Variants in HRH3 observed in about 807,000 individuals in gnomAD.
HRH3 encodes histamine H3 receptor.
HRH3 carries 13 observed loss-of-function variants against 21.6 expected under a neutral mutation model. The observed-to-expected ratio is 0.60, with a 90% CI of 0.39 to 0.96. The LOEUF is 0.96. Ranked by LOEUF, HRH3 falls within the 40% of genes least tolerant of loss-of-function variation. The pLI, the probability that HRH3 is intolerant of heterozygous loss-of-function variation, is 0.00. For missense variants in HRH3, 461 were observed against 622.7 expected, an observed-to-expected ratio of 0.74 and a Z score of 2.76; for synonymous variants, 276 against 290.3, an observed-to-expected ratio of 0.95 and a Z score of 0.50.
Position 62,219,975 on chromosome 20 carries a change from C to G in HRH3, c.-5G>C. 9.7e-7 allele frequency: 1 copy of G among 1,027,314 alleles called. No homozygotes were observed. The highest frequency in any genetic ancestry group is 9.3e-5 in the East Asian group (1 of 10,782). 63.6% of individuals were successfully genotyped at this position (1,027,314 alleles called of 1,614,324 possible). A position where few individuals can be genotyped will look rare whatever the true frequency, so the allele number is the denominator to read the frequency against. ...GTCGGGCGGCGCGCGCTCCATGGCCCCGCAGGCTCACGCGGCTCCGGGACG... is the reference window on the plus strand; with the variant it reads ...GTCGGGCGGCGCGCGCTCCATGGCCGCGCAGGCTCACGCGGCTCCGGGACG... On this transcript the variant is annotated 5_prime_UTR_variant, in exon 1 of 3. Coordinates refer to ENST00000340177, the MANE Select transcript of HRH3 (RefSeq NM_007232.3). This position sits in a 1 kb window ranked among gnomAD's most constrained non-coding sequence, Gnocchi z 8.7.
At chr20:62,217,444 G>A (rs1313068600) in intron 2 of HRH3, among the ~76,000 whole-genome samples, 3 of 152,224 alleles carry the variant, frequency 2.0e-5, no homozygotes, top group Non-Finnish European at 4.4e-5. Context: ...CCCACTGCTG[G>A]GAGACATCCC....
rs900689180 is a variant in HRH3, at chr20:62,215,846, G to A, written c.*160C>T. The A allele has an allele frequency of 1.1e-5, 8 of 729,394 alleles. No individual in the cohort carries two copies. Among genetic ancestry groups the A allele is most frequent in the African/African-American group, 5.3e-5 (3 of 56,158 alleles). 45.2% of individuals were successfully genotyped at this position (729,394 alleles called of 1,614,324 possible). A position where few individuals can be genotyped will look rare whatever the true frequency, so the allele number is the denominator to read the frequency against. On this transcript the variant is annotated 3_prime_UTR_variant, in exon 3 of 3. Coordinates refer to ENST00000340177, the MANE Select transcript of HRH3 (RefSeq NM_007232.3). ...GGGGCCCTCTGGCCAACCCAGGAAG[G>A]CGCCTCCATGGCAGGGTGGCTGCCG...
chr20:62,215,927 G>T lies in HRH3; in HGVS notation c.*79C>A. On this transcript the variant is annotated 3_prime_UTR_variant, in exon 3 of 3. Coordinates refer to ENST00000340177, the MANE Select transcript of HRH3 (RefSeq NM_007232.3). ...GGGCTCACCCCTGGGGGAACGAGCC[G>T]GGTAGGGGGCAGCAGGGCCAGATGC... 1 of 1,367,480 alleles carries T rather than the reference G, an allele frequency of 7.3e-7. No individual in the cohort carries two copies. The highest frequency in any genetic ancestry group is 9.8e-7 in the Non-Finnish European group (1 of 1,019,496). 84.7% of individuals were successfully genotyped at this position (1,367,480 alleles called of 1,614,324 possible).
Position 62,218,474 on chromosome 20 carries a change from C to T in HRH3, c.417+17G>A, listed in dbSNP as rs201601966. On this transcript the variant is annotated intron_variant, in intron 2 of 2. Transcript: ENST00000340177. The surrounding 1 kb of genome is among the most constrained non-coding windows in gnomAD (Gnocchi z 5.6). The stretch of plus-strand genomic sequence containing the variant: ...GTCCCTGCGGAGTGAACAGGAGCTC[C>T]GCAGCCCAGGACTCACCGCTCGGGT... 2.5e-5 allele frequency: 40 copies of T among 1,608,222 alleles called. No individual in the cohort carries two copies. The highest frequency in any genetic ancestry group is 3.2e-5 in the Non-Finnish European group (38 of 1,179,036).
rs1445168887 is a variant in HRH3 at position 62,218,458 on chromosome 20, G to A, written c.417+33C>T. 6.2e-7 allele frequency: 1 copy of A among 1,602,728 alleles called. No individual in the cohort carries two copies. Among genetic ancestry groups the A allele is most frequent in the African/African-American group, 1.3e-5 (1 of 74,838 alleles). On this transcript the variant is annotated intron_variant, in intron 2 of 2. Transcript: ENST00000340177. The surrounding 1 kb of genome is among the most constrained non-coding windows in gnomAD (Gnocchi z 5.6). ...CATGGGCGTCCCGACTGTCCCTGCG[G>A]AGTGAACAGGAGCTCCGCAGCCCAG...
chr20:62,215,602 G>T lies in HRH3; in HGVS notation c.*404C>A. On this transcript the variant is annotated 3_prime_UTR_variant, in exon 3 of 3. Transcript: ENST00000340177. ...AGGGACGGTGTGCAGGTGTGTGCAGGGGTGTGCAGGTGTGTGCACGTGCAG... is the reference window on the plus strand; with the variant it reads ...AGGGACGGTGTGCAGGTGTGTGCAGTGGTGTGCAGGTGTGTGCACGTGCAG... 1 of 395,430 alleles carries T rather than the reference G, an allele frequency of 2.5e-6. No individual in the cohort carries two copies. The highest frequency in any genetic ancestry group is 2.1e-5 in the African/African-American group (1 of 48,360). 24.5% of individuals were successfully genotyped at this position (395,430 alleles called of 1,614,324 possible). A position where few individuals can be genotyped will look rare whatever the true frequency, so the allele number is the denominator to read the frequency against.
Position 62,219,940 on chromosome 20 carries a change from T to A in HRH3, c.31A>T (p.Asn11Tyr), listed in dbSNP as rs1978744623. 1.7e-6 allele frequency: 2 copies of A among 1,149,576 alleles called. No homozygotes were observed. Among genetic ancestry groups the A allele is most frequent in the African/African-American group, 1.7e-5 (1 of 60,114 alleles). 71.2% of individuals were successfully genotyped at this position (1,149,576 alleles called of 1,614,324 possible). MERAPPDGPL[N>Y]ASGALAGEAA... The stretch of plus-strand genomic sequence containing the variant: ...TCGCCCGCCAGCGCCCCCGAAGCGT[T>A]CAGCGGCCCGTCGGGCGGCGCGCGC... The change falls in exon 1 of 3, where the codon AAC (asparagine) becomes TAC (tyrosine). Residue 11 changes from asparagine (N) to tyrosine (Y), a missense_variant. Coordinates refer to ENST00000340177, the MANE Select transcript of HRH3 (RefSeq NM_007232.3). This position sits in a 1 kb window ranked among gnomAD's most constrained non-coding sequence, Gnocchi z 8.7.
rs1601119960 is a variant in HRH3, at chr20:62,215,863, T to G, written c.*143A>C. The G allele has an allele frequency of 1.2e-6, 1 of 801,534 alleles. No individual in the cohort carries two copies. Among genetic ancestry groups the G allele is most frequent in the Non-Finnish European group, 1.9e-6 (1 of 523,906 alleles). 49.7% of individuals were successfully genotyped at this position (801,534 alleles called of 1,614,324 possible). On this transcript the variant is annotated 3_prime_UTR_variant, in exon 3 of 3. Transcript: ENST00000340177. Reference sequence around the variant, plus strand: ...CCAGGAAGGCGCCTCCATGGCAGGGTGGCTGCCGTGGCATTAAGAGAGGGC... The same window carrying G: ...CCAGGAAGGCGCCTCCATGGCAGGGGGGCTGCCGTGGCATTAAGAGAGGGC...
At position 62,215,467 on chromosome 20, in the gene HRH3, A is replaced by G; in HGVS notation, c.*539T>C. On this transcript the variant is annotated 3_prime_UTR_variant, in exon 3 of 3. Coordinates refer to ENST00000340177, the MANE Select transcript of HRH3 (RefSeq NM_007232.3). ...TTCGAGGTTCCTAGGGCCCCTTGAC[A>G]CTTTTGGGGGCAGAGAGAGTTGGTG... 1 of 457,216 alleles carries G rather than the reference A, an allele frequency of 2.2e-6. No individual in the cohort carries two copies. The highest frequency in any genetic ancestry group is 4.4e-6 in the Non-Finnish European group (1 of 227,406). 28.3% of individuals were successfully genotyped at this position (457,216 alleles called of 1,614,324 possible). A position where few individuals can be genotyped will look rare whatever the true frequency, so the allele number is the denominator to read the frequency against.
In HRH3 at chr20:62,216,321, G is replaced by A. The variant is rs1214797730; in HGVS notation, c.1023C>T (p.Ser341=). The A allele has an allele frequency of 6.2e-7, 1 of 1,609,398 alleles. No individual in the cohort carries two copies. Among genetic ancestry groups the A allele is most frequent in the Non-Finnish European group, 8.5e-7 (1 of 1,177,974 alleles). The change falls in exon 3 of 3, where the codon TCC becomes TCT. Residue 341 remains serine (S), a synonymous_variant. Transcript: ENST00000340177. Reference sequence around the variant, plus strand: ...GCCGAAAGCGCTGGGTGAAGCTCTGGGACACCATCTTCATGCGCTTCTCCA... The same window carrying A: ...GCCGAAAGCGCTGGGTGAAGCTCTGAGACACCATCTTCATGCGCTTCTCCA... ...ASLEKRMKMV[S]QSFTQRFRLS... is the part of the protein sequence containing the mutation.
In HRH3 at chr20:62,219,899, G is replaced by T. The variant is rs780067862; in HGVS notation, c.72C>A (p.Gly24=). The T allele has an allele frequency of 4.4e-6, 6 of 1,362,724 alleles. No homozygotes were observed. The South Asian group carries it at 1.1e-4, about 24-fold the overall frequency. 84.4% of individuals were successfully genotyped at this position (1,362,724 alleles called of 1,614,324 possible). A position where few individuals can be genotyped will look rare whatever the true frequency, so the allele number is the denominator to read the frequency against. ...AGGCTGCCGAGAAGCCGCGCGCCCC[G>T]CCCGCCGCCGCCGCCTCGCCCGCCA... ...GALAGEAAAA[G]GARGFSAAWT... is the part of the protein sequence containing the mutation. The change falls in exon 1 of 3, where the codon GGC becomes GGA. Residue 24 remains glycine, a synonymous_variant. Coordinates refer to ENST00000340177, the MANE Select transcript of HRH3 (RefSeq NM_007232.3). This position sits in a 1 kb window ranked among gnomAD's most constrained non-coding sequence, Gnocchi z 8.7.
rs749592686 is a variant in HRH3 at position 62,216,548 on chromosome 20, G to A, written c.796C>T (p.His266Tyr). The A allele has an allele frequency of 3.1e-6, 5 of 1,603,480 alleles. No individual in the cohort carries two copies. The Admixed American group carries it at 5.1e-5, about 16-fold the overall frequency. ...CTGTGCAGCGGCATGGCCTCCCCGT[G>A]CCCCTTCTGCCAGCAGCCCCAGCAG... ...PGCWGCWQKG[H>Y]GEAMPLHRYG... Residue 266 changes from histidine (H) to tyrosine (Y), a missense_variant, in exon 3 of 3, where the codon CAC becomes TAC. Around this residue, in one of 6 missense-constraint regions of HRH3, gnomAD observed 163 missense variants for 139.4 expected, o/e 1.17. Transcript: ENST00000340177.
chr20:62,219,909 G>T lies in HRH3; in HGVS notation c.62C>A (p.Ala21Glu). 7.5e-7 allele frequency: 1 copy of T among 1,328,386 alleles called. No individual in the cohort carries two copies. The highest frequency in any genetic ancestry group is 3.3e-5 in the East Asian group (1 of 29,970). The allele number at this position is 1,328,386 out of a possible 1,614,324, so 82.3% of individuals were successfully genotyped here. Reference sequence around the variant, plus strand: ...GAAGCCGCGCGCCCCGCCCGCCGCCGCCGCCTCGCCCGCCAGCGCCCCCGA... The same window carrying T: ...GAAGCCGCGCGCCCCGCCCGCCGCCTCCGCCTCGCCCGCCAGCGCCCCCGA... ...NASGALAGEA[A>E]AAGGARGFSA... is the part of the protein sequence containing the mutation. The change falls in exon 1 of 3, where the codon GCG becomes GAG. Residue 21 changes from alanine to glutamate, a missense_variant. This residue lies in a region of HRH3 where 102 missense variants were observed against 155.6 expected (regional missense o/e 0.66). Coordinates refer to ENST00000340177, the MANE Select transcript of HRH3 (RefSeq NM_007232.3). This position sits in a 1 kb window ranked among gnomAD's most constrained non-coding sequence, Gnocchi z 8.7.
rs544403090 is a variant in HRH3, at chr20:62,215,339, A to G, written c.*667T>C. ...CAATCCAGCCCTGAGCTCCTCAGCA[A>G]TTTTGTCTCTCTTGATTAAACATCC... On this transcript the variant is annotated 3_prime_UTR_variant, in exon 3 of 3. Coordinates refer to ENST00000340177, the MANE Select transcript of HRH3 (RefSeq NM_007232.3). 1 of 456,748 alleles carries G rather than the reference A, an allele frequency of 2.2e-6. No individual in the cohort carries two copies. Among genetic ancestry groups the G allele is most frequent in the Admixed American group, 2.3e-5 (1 of 42,586 alleles). 28.3% of individuals were successfully genotyped at this position (456,748 alleles called of 1,614,324 possible). A position where few individuals can be genotyped will look rare whatever the true frequency, so the allele number is the denominator to read the frequency against.
At position 62,215,836 on chromosome 20, in the gene HRH3, A is replaced by G; in HGVS notation, c.*170T>C. On this transcript the variant is annotated 3_prime_UTR_variant, in exon 3 of 3. Coordinates refer to ENST00000340177, the MANE Select transcript of HRH3 (RefSeq NM_007232.3). ...CAGCCAGTGAGGGGCCCTCTGGCCA[A>G]CCCAGGAAGGCGCCTCCATGGCAGG... 1.4e-6 allele frequency: 1 copy of G among 692,474 alleles called. No homozygotes were observed. The highest frequency in any genetic ancestry group is 2.4e-6 in the Non-Finnish European group (1 of 423,990). 42.9% of individuals were successfully genotyped at this position (692,474 alleles called of 1,614,324 possible).
At chr20:62,217,333 C>T (rs932466995) in intron 2 of HRH3, among the ~76,000 whole-genome samples, 1 of 152,222 alleles carries the variant, frequency 6.6e-6, no homozygotes, top group African/African-American at 2.4e-5. Flanking sequence ...TGCAAAGGCC[C>T]GAGCCATCTG....
At position 62,218,695 on chromosome 20, in the gene HRH3, G is replaced by C. The variant is rs1390347936; in HGVS notation, c.251-38C>G. 6.3e-7 allele frequency: 1 copy of C among 1,598,066 alleles called. No homozygotes were observed. The highest frequency in any genetic ancestry group is 8.5e-7 in the Non-Finnish European group (1 of 1,171,038). On this transcript the variant is annotated intron_variant, in intron 1 of 2. Transcript: ENST00000340177. This position sits in a 1 kb window ranked among gnomAD's most constrained non-coding sequence, Gnocchi z 5.6. ...GGGCCACAGTGGGACCATGCAGCCAGGGGCCAGGGGACAGACGGACCTAAG... is the reference window on the plus strand; with the variant it reads ...GGGCCACAGTGGGACCATGCAGCCACGGGCCAGGGGACAGACGGACCTAAG...
Position 62,216,614 on chromosome 20 carries a change from G to A in HRH3, c.730C>T (p.Pro244Ser), listed in dbSNP as rs1475284026. The change falls in exon 3 of 3, where the codon CCC becomes TCC. Residue 244 changes from proline (P) to serine (S), a missense_variant. Pro to Ser is a moderately conservative substitution (Grantham distance 74). Around this residue, in one of 6 missense-constraint regions of HRH3, gnomAD observed 163 missense variants for 139.4 expected, o/e 1.17. Coordinates refer to ENST00000340177, the MANE Select transcript of HRH3 (RefSeq NM_007232.3). ...GGTGAGGGCTGGGCCTCGGGAGGGG[G>A]CTCGGGGCCGGCTGCCTCTCGAGCC... ...DGAREAAGPE[P>S]PPEAQPSPPP... The A allele has an allele frequency of 2.5e-6, 4 of 1,610,536 alleles. No individual in the cohort carries two copies. Among genetic ancestry groups the A allele is most frequent in the African/African-American group, 1.3e-5 (1 of 75,010 alleles).
At position 62,216,185 on chromosome 20, in the gene HRH3, G is replaced by A. The variant is rs764429203; in HGVS notation, c.1159C>T (p.His387Tyr). ...LMIIRAACHG[H>Y]CVPDYWYETS... ...TCGTACCAGTAGTCAGGGACGCAGT[G>A]GCCATGGCAGGCGGCCCGGATGATC... Residue 387 changes from histidine to tyrosine, a missense_variant, in exon 3 of 3, where the codon CAC becomes TAC. Around this residue, in one of 6 missense-constraint regions of HRH3, gnomAD observed 102 missense variants for 166.6 expected, o/e 0.61. Transcript: ENST00000340177. 8 of 1,613,244 alleles carry A rather than the reference G, an allele frequency of 5.0e-6. No individual in the cohort carries two copies. The highest frequency in any genetic ancestry group is 5.9e-6 in the Non-Finnish European group (7 of 1,180,000).
Sources: allele counts gnomAD v4.1 joint callset (sites outside exome capture counted in the v4.1 genomes callset), GRCh38; gene constraint gnomAD v4.1.1; regional missense constraint gnomAD v4.1.1; non-coding constraint Gnocchi (gnomAD v3.1); transcripts MANE v1.5; gene names NCBI Gene and HGNC (gene_info 2026-07-23, HGNC 2026-07-21).